The following SRRT variants were observed in gnomAD, a reference collection of about 807,000 sequenced individuals.
SRRT encodes serrate, RNA effector molecule, also known as serrate RNA effector molecule homolog.
A neutral mutation model predicts 103.2 loss-of-function variants in SRRT; 32 were observed. The observed-to-expected ratio is 0.31, with a 90% confidence interval of 0.23 to 0.42. The LOEUF (loss-of-function observed/expected upper bound fraction) is 0.42. SRRT is among the 10% of genes least tolerant of loss of function. The probability of loss-of-function intolerance (pLI) is 1.00; values close to 1 mark genes in which losing one functional copy is unlikely to be tolerated. For synonymous variants in SRRT, 525 were observed against 449.0 expected, an observed-to-expected ratio of 1.17 and a Z score of -2.14; for missense variants, 986 against 1,207.5, an observed-to-expected ratio of 0.82 and a Z score of 2.72.
intron 13 of SRRT, 102 bp from the exon 14 acceptor site, chr7:100,886,693 G>A (rs1047625825): frequency 6.7e-6 from 9 of 1,348,054 alleles, no homozygotes; most frequent in Middle Eastern, 1.8e-4. Flanking sequence ...ATTTATGTCC[G>A]GTGAACTCCT....
chr7:100,882,046 C>G lies in SRRT; in HGVS notation c.399-7C>G. On this transcript the variant is annotated splice_region_variant and splice_polypyrimidine_tract_variant and intron_variant, in intron 4 of 19. Transcript: ENST00000611405. The surrounding 1 kb of genome is among the most constrained non-coding windows in gnomAD (Gnocchi z 4.2). ...AACCAAGCCTTCCTGACCGGGGTCCCCTCCAGGCTGGGCAGCATTGCAGAG... is the reference window on the plus strand; with the variant it reads ...AACCAAGCCTTCCTGACCGGGGTCCGCTCCAGGCTGGGCAGCATTGCAGAG... 6.2e-7 allele frequency: 1 copy of G among 1,611,488 alleles called. No individual in the cohort carries two copies. Among genetic ancestry groups the G allele is most frequent in the Non-Finnish European group, 8.5e-7 (1 of 1,178,816 alleles).
At chr7:100,875,767 G>C in intron 2 of SRRT, 55 bp downstream of exon 2, 1 of 1,602,720 alleles carries the variant, frequency 6.2e-7, no homozygotes, top group African/African-American at 1.3e-5. Context: ...CACTCCACCC[G>C]CGTCGCTTTT....
In SRRT at chr7:100,887,913, A is replaced by G; in HGVS notation, c.2326+54A>G. ...TGCCCTCTTCCTTGACTACCCAGGG[A>G]CTCCTGTTTCTCTTTAACGTGTCAC... On this transcript the variant is annotated intron_variant, in intron 17 of 19. Transcript: ENST00000611405. The surrounding 1 kb of genome is among the most constrained non-coding windows in gnomAD (Gnocchi z 4.1). 1 of 1,565,102 alleles carries G rather than the reference A, an allele frequency of 6.4e-7. No individual in the cohort carries two copies. The highest frequency in any genetic ancestry group is 8.7e-7 in the Non-Finnish European group (1 of 1,151,362).
chr7:100,881,731 T>A lies in SRRT; in HGVS notation c.324T>A (p.Thr108=). Residue 108 remains threonine, a synonymous_variant, in exon 4 of 20, where the codon ACT becomes ACA. Coordinates refer to ENST00000611405, the MANE Select transcript of SRRT (RefSeq NM_015908.6). ...ATGCTGGGGGGGGTGGGGGCCCAAC[T>A]TATGGCCCCCCTCAGCCCTGGGGCC... ...MPYAGGGGGP[T]YGPPQPWGHP... is the part of the protein sequence containing the mutation. The A allele has an allele frequency of 6.2e-7, 1 of 1,613,954 alleles. No homozygotes were observed. Among genetic ancestry groups the A allele is most frequent in the Non-Finnish European group, 8.5e-7 (1 of 1,179,974 alleles).
rs550781568 is a variant in SRRT, at chr7:100,881,419, A to G, written c.251+6A>G. 6.2e-7 allele frequency: 1 copy of G among 1,609,418 alleles called. No individual in the cohort carries two copies. Among genetic ancestry groups the G allele is most frequent in the African/African-American group, 1.3e-5 (1 of 74,932 alleles). ...AAGCGCATGAGGAGAGACTGGTGAG[A>G]TGGAGCGGTTTCCCTCTCCTCCCCT... On this transcript the variant is annotated splice_donor_region_variant and intron_variant, in intron 3 of 19. Coordinates refer to ENST00000611405, the MANE Select transcript of SRRT (RefSeq NM_015908.6).
At chr7:100,881,582 ACC>A (rs1419465212) in intron 3 of SRRT, 75 bp from the exon 4 acceptor site, 17 of 1,595,410 alleles carry the variant, frequency 1.1e-5, no homozygotes, top group Admixed American at 1.7e-5. Flanking sequence ...TGCTGTGTGT[ACC>A]CCCGTCTGTC....
At position 100,885,955 on chromosome 7, in the gene SRRT, G is replaced by A. The variant is rs745498797; in HGVS notation, c.1458+14G>A. Reference sequence around the variant, plus strand: ...CAGAACATCCGTGTGAGTGCTGGGGGTGGGACTGTGGGGAAGAGGAAGGGA... The same window carrying A: ...CAGAACATCCGTGTGAGTGCTGGGGATGGGACTGTGGGGAAGAGGAAGGGA... On this transcript the variant is annotated intron_variant, in intron 12 of 19. Transcript: ENST00000611405. This position sits in a 1 kb window ranked among gnomAD's most constrained non-coding sequence, Gnocchi z 4.8. 1 of 1,613,254 alleles carries A rather than the reference G, an allele frequency of 6.2e-7. No homozygotes were observed. Among genetic ancestry groups the A allele is most frequent in the South Asian group, 1.1e-5 (1 of 91,056 alleles).
chr7:100,884,269 C>G, intron 6 of SRRT, 30 bp downstream of exon 6: 9 of 1,613,872 alleles, frequency 5.6e-6, no homozygotes, highest in Non-Finnish European at 7.6e-6. Context: ...TGGCAGGCAT[C>G]TGGGCCCCAT....
At chr7:100,880,704 T>C (rs776990137) in intron 2 of SRRT, 2 of 433,186 alleles carry the variant, frequency 4.6e-6, no homozygotes, top group South Asian at 3.2e-5. Flanking sequence ...AGAGACAGGG[T>C]CTCCCTCTGT....
chr7:100,879,775 G>A (rs1235617190), intron 2 of SRRT, among the ~76,000 whole-genome samples: 1 of 149,396 alleles, frequency 6.7e-6, no homozygotes, highest in Non-Finnish European at 1.5e-5. Context: ...TTGTGCTGCT[G>A]CACTCCAGCC....
chr7:100,881,687 A>G lies in SRRT; in HGVS notation c.280A>G (p.Ser94Gly). 2.5e-6 allele frequency: 4 copies of G among 1,613,880 alleles called. No individual in the cohort carries two copies. The Admixed American group carries it at 6.7e-5, about 27-fold the overall frequency. ...WDEHSSDPYH[S>G]GYEMPYAGGG... is the part of the protein sequence containing the mutation. Reference sequence around the variant, plus strand: ...TGAGCACAGCTCTGACCCATACCACAGTGGCTATGAGATGCCCTATGCTGG... The same window carrying G: ...TGAGCACAGCTCTGACCCATACCACGGTGGCTATGAGATGCCCTATGCTGG... The change falls in exon 4 of 20, where the codon AGT becomes GGT. Residue 94 changes from serine (S) to glycine (G), a missense_variant. By Grantham distance (56) the Ser-to-Gly change is moderately conservative. Around this residue, in one of 6 missense-constraint regions of SRRT, gnomAD observed 274 missense variants for 358.5 expected, o/e 0.76. Transcript: ENST00000611405.
Position 100,885,193 on chromosome 7 carries a change from C to G in SRRT, c.1160-20C>G. The G allele has an allele frequency of 6.2e-7, 1 of 1,610,050 alleles. No individual in the cohort carries two copies. Among genetic ancestry groups the G allele is most frequent in the South Asian group, 1.1e-5 (1 of 90,882 alleles). ...GTAATAAAAATGCACCAACTCCTTC[C>G]TACCCCCCTTCCTGCCTAGAAGAAG... On this transcript the variant is annotated intron_variant, in intron 9 of 19. Transcript: ENST00000611405. This position sits in a 1 kb window ranked among gnomAD's most constrained non-coding sequence, Gnocchi z 4.8.
In SRRT at chr7:100,887,514, G is replaced by T; in HGVS notation, c.2169+1G>T. ...TCCTCTCAGTGGCAAGAAATTCAAGGTGTGGGATGTTGGAGAATGGCCGTG... is the reference window on the plus strand; with the variant it reads ...TCCTCTCAGTGGCAAGAAATTCAAGTTGTGGGATGTTGGAGAATGGCCGTG... On this transcript the variant is annotated splice_donor_variant, in intron 16 of 19. Transcript: ENST00000611405. LOFTEE classifies it high-confidence loss of function. This position sits in a 1 kb window ranked among gnomAD's most constrained non-coding sequence, Gnocchi z 4.1. 2 of 1,613,624 alleles carry T rather than the reference G, an allele frequency of 1.2e-6. No homozygotes were observed. The highest frequency in any genetic ancestry group is 1.7e-6 in the Non-Finnish European group (2 of 1,179,690).
At chr7:100,879,121 A>C (rs1816043693) in intron 2 of SRRT, among the ~76,000 whole-genome samples, 3 of 151,870 alleles carry the variant, frequency 2.0e-5, no homozygotes, top group Non-Finnish European at 1.5e-5. Flanking sequence ...ACGCCCGGCT[A>C]ATTTTTGTGT....
intron 5 of SRRT, 139 bp from the exon 6 acceptor site, chr7:100,883,931 C>T (rs1174428408): frequency 1.1e-6 from 1 of 947,254 alleles, no homozygotes; most frequent in Non-Finnish European, 1.5e-6. Context: ...ACCCCTATCC[C>T]TTAATCTCTC....
Position 100,886,272 on chromosome 7 carries a change from G to T in SRRT, c.1484G>T (p.Gly495Val), listed in dbSNP as rs1790091074. 1 of 1,612,602 alleles carries T rather than the reference G, an allele frequency of 6.2e-7. No homozygotes were observed. Among genetic ancestry groups the T allele is most frequent in the African/African-American group, 1.3e-5 (1 of 74,966 alleles). ...CTCCGGGAGTGTGAGCTGAGCCCTG[G>T]TGTGAACAGGGACCTGACCCGGCGC... ...IRLRECELSP[G>V]VNRDLTRRVR... The change falls in exon 13 of 20, where the codon GGT (glycine) becomes GTT (valine). Residue 495 changes from glycine (G) to valine (V), a missense_variant. By Grantham distance (109) the Gly-to-Val change is moderately radical. Coordinates refer to ENST00000611405, the MANE Select transcript of SRRT (RefSeq NM_015908.6).
At chr7:100,888,431 T>A in intron 19 of SRRT, 43 bp from the exon 20 acceptor site, 1 of 1,613,050 alleles carries the variant, frequency 6.2e-7, no homozygotes, top group Middle Eastern at 1.7e-4. Flanking sequence ...CAGACTCCCT[T>A]TTGGGAGCCC....
Position 100,887,067 on chromosome 7 carries a change from T to C in SRRT, c.1842T>C (p.Leu614=), listed in dbSNP as rs761210410. 9.9e-6 allele frequency: 16 copies of C among 1,614,122 alleles called. No individual in the cohort carries two copies. The highest frequency in any genetic ancestry group is 2.7e-5 in the African/African-American group (2 of 74,946). ...KLIKVLDKLL[L]YLRIVHSLDY... ...CTTAGGTCTTGGACAAGCTCCTCCT[T>C]TACCTGCGCATCGTGCATTCCTTGG... Residue 614 remains leucine, a synonymous_variant, in exon 15 of 20, where the codon CTT becomes CTC. Coordinates refer to ENST00000611405, the MANE Select transcript of SRRT (RefSeq NM_015908.6). The surrounding 1 kb of genome is among the most constrained non-coding windows in gnomAD (Gnocchi z 4.1).
At chr7:100,878,127 C>T (rs890804087) in intron 2 of SRRT, among the ~76,000 whole-genome samples, 57 of 151,988 alleles carry the variant, frequency 3.8e-4, no homozygotes, top group Non-Finnish European at 1.0e-4. Context: ...ACCTGGGCAA[C>T]GTGGTGAAAC....
Sources: gnomAD v4.1 joint callset for allele counts (sites outside exome capture counted in the v4.1 genomes callset) on GRCh38, gnomAD v4.1.1 for gene constraint, gnomAD v4.1.1 regional missense constraint, Gnocchi (gnomAD v3.1) non-coding constraint, MANE v1.5 for transcripts, NCBI Gene and HGNC (gene_info 2026-07-23, HGNC 2026-07-21) for gene names.